Variants in TMEM132C observed in about 807,000 individuals in gnomAD.
TMEM132C encodes protein phosphatase 1, regulatory subunit 152.
TMEM132C carries 29 observed loss-of-function variants against 61.4 expected under a neutral mutation model. The ratio of observed to expected loss-of-function variants is 0.47; its 90% CI spans 0.35 to 0.64. TMEM132C has a LOEUF of 0.64. Ranked by LOEUF, TMEM132C falls within the 30% of genes least tolerant of loss-of-function variation. TMEM132C has a pLI of 0.00. For missense variants in TMEM132C, 1,408 were observed against 1,476.9 expected, an observed-to-expected ratio of 0.95 and a Z score of 0.76; for synonymous variants, 656 against 633.1, an observed-to-expected ratio of 1.04 and a Z score of -0.54.
At chr12:128,419,895 A>G (rs1410562868) in intron 2 of TMEM132C, among the ~76,000 whole-genome samples, 1 of 152,142 alleles carries the variant, frequency 6.6e-6, no homozygotes, top group African/African-American at 2.4e-5. Context: ...AGGGGAGATA[A>G]AAATAATCAA....
At chr12:128,685,437 A>C (rs1023645848) in intron 5 of TMEM132C, among the ~76,000 whole-genome samples, 1 of 152,192 alleles carries the variant, frequency 6.6e-6, no homozygotes, top group East Asian at 1.9e-4. Flanking sequence ...TGTCGCTGCC[A>C]TTGGGCTGTG....
chr12:128,267,883 T>G (rs7966433), intron 1 of TMEM132C, among the ~76,000 whole-genome samples: 2 of 152,030 alleles, frequency 1.3e-5, no homozygotes, highest in African/African-American at 2.4e-5. Context: ...CTCTGTGCGC[T>G]CCTTCCTCCC....
intron 2 of TMEM132C, among the ~76,000 whole-genome samples, chr12:128,540,989 A>T (rs1248055328): frequency 1.1e-4 from 12 of 108,476 alleles, no homozygotes; most frequent in Non-Finnish European, 2.1e-4. Context: ...CTCTGTCTGT[A>T]TGTCTCTGTC....
At chr12:128,645,670 T>C (rs780423540) in intron 4 of TMEM132C, among the ~76,000 whole-genome samples, 6 of 152,242 alleles carry the variant, frequency 3.9e-5, no homozygotes, top group Non-Finnish European at 7.3e-5. Flanking sequence ...TACCTGTGGT[T>C]CCTTTGAGAT....
At chr12:128,339,719 T>C (rs1306658576) in intron 1 of TMEM132C, among the ~76,000 whole-genome samples, 2 of 150,110 alleles carry the variant, frequency 1.3e-5, no homozygotes, top group Non-Finnish European at 2.9e-5. Flanking sequence ...AGCCTGCAGC[T>C]CTCCATGCAT....
At chr12:128,305,053 A>T (rs1871722813) in intron 1 of TMEM132C, among the ~76,000 whole-genome samples, 1 of 152,048 alleles carries the variant, frequency 6.6e-6, no homozygotes, top group East Asian at 1.9e-4. Flanking sequence ...GGCTACTCTC[A>T]TCCCTTCTTT....
At chr12:128,401,143 G>A (rs993265159) in intron 1 of TMEM132C, among the ~76,000 whole-genome samples, 4 of 152,084 alleles carry the variant, frequency 2.6e-5, no homozygotes, top group African/African-American at 9.7e-5. Context: ...GCTAAATACG[G>A]TATTTACATT....
At position 128,381,867 on chromosome 12, in the gene TMEM132C, T is replaced by A. The variant is rs529961748; in HGVS notation, c.86-32865T>A. ...GTCAGCAATGAAAAGCGGTGGGCAG[T>A]CTAGCAACCTCTTAAGAGGAAAAGG... On this transcript the variant is annotated intron_variant, in intron 1 of 8. Coordinates refer to ENST00000435159, the MANE Select transcript of TMEM132C (RefSeq NM_001136103.3). Among the ~76,000 whole-genome samples the A allele has an allele frequency of 3.5e-4, 53 of 152,144 alleles. No individual in the cohort carries two copies. In the Middle Eastern group the frequency reaches 0.014, roughly 39 times the overall value.
At chr12:128,543,141 TC>T (rs1025878392) in intron 2 of TMEM132C, among the ~76,000 whole-genome samples, 9 of 152,206 alleles carry the variant, frequency 5.9e-5, no homozygotes, top group African/African-American at 2.2e-4. Flanking sequence ...TGTTTTTTGG[TC>T]CCTGACTTAA....
At chr12:128,307,632 G>A (rs182172456) in intron 1 of TMEM132C, among the ~76,000 whole-genome samples, 9 of 152,264 alleles carry the variant, frequency 5.9e-5, no homozygotes, top group Admixed American at 4.6e-4. Flanking sequence ...ATTCCTCGAT[G>A]TCTATTAATA....
At chr12:128,300,732 C>T (rs369776320) in intron 1 of TMEM132C, among the ~76,000 whole-genome samples, 34 of 152,246 alleles carry the variant, frequency 2.2e-4, no homozygotes, top group Non-Finnish European at 3.2e-4. Context: ...TGGAGCTAAG[C>T]GCCTATTAAA....
intron 2 of TMEM132C, among the ~76,000 whole-genome samples, chr12:128,471,208 G>A (rs1410967936): frequency 6.6e-6 from 1 of 152,220 alleles, no homozygotes; most frequent in African/African-American, 2.4e-5. Context: ...ACAACCAGAT[G>A]TCTCCAGGCA....
intron 1 of TMEM132C, among the ~76,000 whole-genome samples, chr12:128,292,255 G>T (rs957127361): frequency 2.0e-5 from 3 of 152,126 alleles, no homozygotes; most frequent in African/African-American, 7.2e-5. Context: ...AAGAATCGTG[G>T]TCAAACAGAA....
intron 3 of TMEM132C, among the ~76,000 whole-genome samples, chr12:128,589,419 A>G (rs1264380169): frequency 6.6e-6 from 1 of 151,090 alleles, no homozygotes; most frequent in Admixed American, 6.6e-5. Context: ...CTCCCTCCCA[A>G]CCCACACTGC....
intron 2 of TMEM132C, among the ~76,000 whole-genome samples, chr12:128,431,951 AC>A (rs1326978163): frequency 6.6e-6 from 1 of 151,982 alleles, no homozygotes; most frequent in Non-Finnish European, 1.5e-5. Context: ...TCATTTATCA[AC>A]CCCTAAATCC....
intron 4 of TMEM132C, among the ~76,000 whole-genome samples, chr12:128,619,242 CAG>C (rs1053597810): frequency 1.2e-4 from 18 of 152,284 alleles, no homozygotes; most frequent in African/African-American, 2.4e-4. Flanking sequence ...AAAGGTGAAA[CAG>C]GGGATTAACA....
At chr12:128,342,112 G>T (rs1872993938) in intron 1 of TMEM132C, among the ~76,000 whole-genome samples, 1 of 151,822 alleles carries the variant, frequency 6.6e-6, no homozygotes, top group African/African-American at 2.4e-5. Flanking sequence ...GGGTTCAAAA[G>T]ATTCTCCTGC....
Position 128,278,750 on chromosome 12 carries a change from A to ATGTG in TMEM132C, c.85+11297_85+11300dup, listed in dbSNP as rs35003496. ...TGTGCAGACTTGATTCTATACGTGTATGTGTGTGTGTGTGTGTGTGTGTGT... is the reference window on the plus strand; with the variant it reads ...TGTGCAGACTTGATTCTATACGTGTATGTGTGTGTGTGTGTGTGTGTGTGTGTGT... On this transcript the variant is annotated intron_variant, in intron 1 of 8. Transcript: ENST00000435159. The surrounding 1 kb of genome is among the most constrained non-coding windows in gnomAD (Gnocchi z 4.2). Among the ~76,000 whole-genome samples the ATGTG allele has an allele frequency of 0.019, 2,621 of 137,022 alleles. 45 individuals are homozygous for ATGTG. Among genetic ancestry groups the ATGTG allele is most frequent in the African/African-American group, 0.052 (1,950 of 37,534 alleles). The allele number at this position is 137,022 out of a possible 152,430, so 89.9% of individuals were successfully genotyped here.
chr12:128,646,389 GA>G (rs1201677796), intron 4 of TMEM132C, among the ~76,000 whole-genome samples: 4 of 152,146 alleles, frequency 2.6e-5, no homozygotes, highest in African/African-American at 9.7e-5. Flanking sequence ...CGTTGGATGT[GA>G]GTGTGTTTAC....
Sources: gnomAD v4.1 joint callset for allele counts (sites outside exome capture counted in the v4.1 genomes callset) on GRCh38, gnomAD v4.1.1 for gene constraint, Gnocchi (gnomAD v3.1) non-coding constraint, MANE v1.5 for transcripts, NCBI Gene and HGNC (gene_info 2026-07-23, HGNC 2026-07-21) for gene names.